Variants in ADPRHL1 observed in about 807,000 individuals in gnomAD.
ADPRHL1 encodes inactive ADP-ribosyltransferase ARH2.
In ADPRHL1, 43 loss-of-function variants were observed where a neutral mutation model predicts 44.1. The ratio of observed to expected loss-of-function variants is 0.98; its 90% CI spans 0.76 to 1.26. The LOEUF (loss-of-function observed/expected upper bound fraction) is 1.26. ADPRHL1 is among the 50% of genes most tolerant of loss of function. The pLI is 0.00. For missense variants in ADPRHL1, 2,022 were observed against 2,496.9 expected (o/e 0.81, Z 4.05); for synonymous variants, 878 against 1,017.4 (o/e 0.86, Z 2.61).
intron 1 of ADPRHL1, among the ~76,000 whole-genome samples, chr13:113,451,099 CG>C (rs773152283): frequency 6.6e-6 from 1 of 152,200 alleles, no homozygotes; most frequent in Admixed American, 6.5e-5. Flanking sequence ...TGGCCCTGTC[CG>C]GGCATAACAG....
At chr13:113,432,586 C>T (rs1460842922) in intron 3 of ADPRHL1, among the ~76,000 whole-genome samples, 3 of 152,160 alleles carry the variant, frequency 2.0e-5, no homozygotes, top group African/African-American at 7.2e-5. Context: ...AGCAAAGTTG[C>T]CTGTGAGTCC....
intron 3 of ADPRHL1, 111 bp from the exon 4 acceptor site, chr13:113,429,203 G>T (rs552741671): frequency 1.4e-6 from 2 of 1,410,978 alleles, no homozygotes; most frequent in East Asian, 2.5e-5. Context: ...CTCGTTTTCC[G>T]TCTTTCCCAT....
chr13:113,410,926 C>A (rs1268999912), intron 7 of ADPRHL1, among the ~76,000 whole-genome samples: 1 of 152,218 alleles, frequency 6.6e-6, no homozygotes, highest in African/African-American at 2.4e-5. Context: ...GGGCTGCGCT[C>A]CCTTCACCCC....
chr13:113,424,685 T>TATCCACCC (rs796534583), intron 5 of ADPRHL1, among the ~76,000 whole-genome samples: 1 of 23,622 alleles, frequency 4.2e-5, no homozygotes, highest in Non-Finnish European at 8.0e-5. Context: ...TCCATTCATC[T>TATCCACCC]ATCCACCCAT....
chr13:113,421,317 ACCCCGGGACACGCCCAC>A (rs1362851425), intron 7 of ADPRHL1, among the ~76,000 whole-genome samples: 108 of 18,300 alleles, frequency 5.9e-3, no homozygotes, highest in Non-Finnish European at 6.7e-3. Flanking sequence ...GGACACGCCC[ACCCCGGGACACGCCCAC>A]CCCCGGGACA....
rs372574116 is a variant in ADPRHL1, at chr13:113,424,375, C to T, written c.775-26G>A. 2.9e-5 allele frequency: 46 copies of T among 1,612,100 alleles called. No homozygotes were observed. In the African/African-American group the frequency reaches 4.0e-4, roughly 14 times the overall value. Reference sequence around the variant, plus strand: ...CTGACAAGAGAGCCGTGGGTCGGGGCGTGTGCCCAAGTGGAGCCACTTCTG... The same window carrying T: ...CTGACAAGAGAGCCGTGGGTCGGGGTGTGTGCCCAAGTGGAGCCACTTCTG... On this transcript the variant is annotated intron_variant, in intron 5 of 7. Transcript: ENST00000612156.
At position 113,406,934 on chromosome 13, in the gene ADPRHL1, G is replaced by T; in HGVS notation, c.2348C>A (p.Thr783Asn). ...CAGEGPEITM[T>N]VCSSEDEREG... ...CCTTTCATCCTCTGAACTGCAAACA[G>T]TCATGGTGATTTCAGGGCCCTCCCC... is the stretch of plus-strand genomic sequence containing the variant. Residue 783 changes from threonine to asparagine, a missense_variant, in exon 8 of 8, where the codon ACT (threonine) becomes AAT (asparagine). By Grantham distance (65) the Thr-to-Asn change is moderately conservative (BLOSUM62 0). This residue lies in a region of ADPRHL1 where 1,221 missense variants were observed against 1,517.8 expected (regional missense o/e 0.80). Coordinates refer to ENST00000612156, the MANE Select transcript of ADPRHL1 (RefSeq NM_001394807.1). 8.1e-7 allele frequency: 1 copy of T among 1,232,186 alleles called. No individual in the cohort carries two copies. Among genetic ancestry groups the T allele is most frequent in the Non-Finnish European group, 1.0e-6 (1 of 988,076 alleles). 76.3% of individuals were successfully genotyped at this position (1,232,186 alleles called of 1,614,324 possible). A position where few individuals can be genotyped will look rare whatever the true frequency, so the allele number is the denominator to read the frequency against.
At chr13:113,415,706 G>A (rs1191236717) in intron 7 of ADPRHL1, among the ~76,000 whole-genome samples, 2 of 133,080 alleles carry the variant, frequency 1.5e-5, no homozygotes, top group East Asian at 2.1e-4. Flanking sequence ...AGCTGAGATC[G>A]TGCCACTTCA....
chr13:113,408,508 A>G (rs956907185), intron 7 of ADPRHL1, among the ~76,000 whole-genome samples: 1 of 152,388 alleles, frequency 6.6e-6, no homozygotes, highest in African/African-American at 2.4e-5. Flanking sequence ...TGAACAGTTT[A>G]GTGAAAGCGT....
chr13:113,450,962 C>A (rs554278048), intron 1 of ADPRHL1, among the ~76,000 whole-genome samples: 54 of 151,812 alleles, frequency 3.6e-4, no homozygotes, highest in Non-Finnish European at 6.2e-4. Flanking sequence ...ACCCCCCCCC[C>A]CTTCCTGGTC....
At chr13:113,419,801 A>G (rs1009621792) in intron 7 of ADPRHL1, among the ~76,000 whole-genome samples, 8 of 152,244 alleles carry the variant, frequency 5.3e-5, no homozygotes, top group Admixed American at 5.2e-4. Flanking sequence ...GAAAACAGCC[A>G]AAAGCAAACC....
intron 7 of ADPRHL1, among the ~76,000 whole-genome samples, chr13:113,412,470 G>A (rs1034500548): frequency 5.4e-4 from 82 of 152,346 alleles, no homozygotes; most frequent in Middle Eastern, 3.4e-3. Context: ...GAGCCACCGC[G>A]CCCAGCCACA....
chr13:113,404,576 T>C lies in ADPRHL1; in HGVS notation c.4706A>G (p.Gln1569Arg). 2 of 1,297,398 alleles carry C rather than the reference T, an allele frequency of 1.5e-6. No homozygotes were observed. The highest frequency in any genetic ancestry group is 3.1e-5 in the East Asian group (1 of 31,770). 80.4% of individuals were successfully genotyped at this position (1,297,398 alleles called of 1,614,324 possible). A position where few individuals can be genotyped will look rare whatever the true frequency, so the allele number is the denominator to read the frequency against. Residue 1569 changes from glutamine (Q) to arginine (R), a missense_variant, in exon 8 of 8, where the codon CAG (glutamine) becomes CGG (arginine). Gln to Arg is a conservative substitution (Grantham distance 43). This residue lies in a region of ADPRHL1 where 32 missense variants were observed against 72.6 expected (regional missense o/e 0.44). Coordinates refer to ENST00000612156, the MANE Select transcript of ADPRHL1 (RefSeq NM_001394807.1). ...QTQIEAQGQA[Q>R]EPAQGGAQGQ... ...CTGGGCCCCACCCTGAGCTGGTTCC[T>C]GTGCCTGCCCCTGGGCCTCTATCTG... is the stretch of plus-strand genomic sequence containing the variant.
chr13:113,434,592 C>G (rs570765418), intron 2 of ADPRHL1, among the ~76,000 whole-genome samples: 4 of 144,234 alleles, frequency 2.8e-5, no homozygotes, highest in Non-Finnish European at 4.6e-5. Flanking sequence ...TACCCCGGGA[C>G]CCGGCACCCA....
At chr13:113,428,459 T>G (rs2043982641) in intron 4 of ADPRHL1, among the ~76,000 whole-genome samples, 1 of 152,144 alleles carries the variant, frequency 6.6e-6, no homozygotes, top group African/African-American at 2.4e-5. Context: ...GCACCTTCCG[T>G]GGGGTGGAAG....
chr13:113,420,446 G>A (rs2043909897), intron 7 of ADPRHL1, among the ~76,000 whole-genome samples: 1 of 152,120 alleles, frequency 6.6e-6, no homozygotes, highest in South Asian at 2.1e-4. Flanking sequence ...CATACAGCAG[G>A]GTGGAGAGGG....
chr13:113,444,314 G>T, intron 2 of ADPRHL1, 111 bp downstream of exon 2: 1 of 1,417,056 alleles, frequency 7.1e-7, no homozygotes, highest in Non-Finnish European at 9.7e-7. Context: ...AGGCAGATCC[G>T]GCCTCACTGA....
chr13:113,453,340 A>G lies in ADPRHL1; in HGVS notation c.98T>C (p.Ile33Thr), dbSNP rs1190753727. Reference protein sequence around the residue: ...CKENSTVGMKIQEELQRSGGL... With the variant: ...CKENSTVGMKTQEELQRSGGL... ...CCCGGAACGTTGCAGCTCCTCCTGG[A>G]TCTTCATGCCTACAGTGCTGTTCTC... The change falls in exon 1 of 8, where the codon ATC (isoleucine) becomes ACC (threonine). Residue 33 changes from isoleucine to threonine, a missense_variant. This residue lies in a region of ADPRHL1 where 437 missense variants were observed against 430.7 expected (regional missense o/e 1.01). Coordinates refer to ENST00000612156, the MANE Select transcript of ADPRHL1 (RefSeq NM_001394807.1). The surrounding 1 kb of genome is among the most constrained non-coding windows in gnomAD (Gnocchi z 5.4). The G allele has an allele frequency of 5.6e-6, 9 of 1,614,014 alleles. No homozygotes were observed. The highest frequency in any genetic ancestry group is 7.6e-6 in the Non-Finnish European group (9 of 1,180,044).
chr13:113,446,044 G>A (rs896979408), intron 1 of ADPRHL1, among the ~76,000 whole-genome samples: 1 of 149,326 alleles, frequency 6.7e-6, no homozygotes, highest in Non-Finnish European at 1.5e-5. Context: ...ACCCCACAGA[G>A]AGAGCGTGCA....
Sources: gnomAD v4.1 joint callset for allele counts (sites outside exome capture counted in the v4.1 genomes callset) on GRCh38, gnomAD v4.1.1 for gene constraint, gnomAD v4.1.1 regional missense constraint, Gnocchi (gnomAD v3.1) non-coding constraint, MANE v1.5 for transcripts, NCBI Gene and HGNC (gene_info 2026-07-23, HGNC 2026-07-21) for gene names.